The following VPS35L variants were observed in gnomAD, a reference collection of about 807,000 sequenced individuals.
VPS35L encodes the protein VPS35 endosomal protein-sorting factor-like.
In VPS35L, 83 loss-of-function variants were observed where a neutral mutation model predicts 133.0. The ratio of observed to expected loss-of-function variants is 0.62; its 90% CI spans 0.52 to 0.75. The LOEUF is 0.75. Among genes scored for constraint, VPS35L ranks in the 30% least tolerant of loss-of-function variants. The pLI, the probability that VPS35L is intolerant of heterozygous loss-of-function variation, is 0.00. For missense variants in VPS35L, 1,083 were observed against 1,206.8 expected, an observed-to-expected ratio of 0.90 and a Z score of 1.52; for synonymous variants, 423 against 449.9, an observed-to-expected ratio of 0.94 and a Z score of 0.76.
chr16:19,643,185 A>G (rs1973838023), intron 22 of VPS35L, among the ~76,000 whole-genome samples: 1 of 152,226 alleles, frequency 6.6e-6, no homozygotes, highest in African/African-American at 2.4e-5. Flanking sequence ...ATTCATGGGT[A>G]GTTACAAAAA....
chr16:19,675,884 G>A (rs1216733733), intron 27 of VPS35L, among the ~76,000 whole-genome samples: 1 of 151,994 alleles, frequency 6.6e-6, no homozygotes. Context: ...GCACTGTTTT[G>A]CTTTCCTACC....
intron 20 of VPS35L, among the ~76,000 whole-genome samples, chr16:19,638,304 A>G (rs1194864611): frequency 6.6e-6 from 1 of 152,136 alleles, no homozygotes; most frequent in African/African-American, 2.4e-5. Context: ...CACTCCAAGC[A>G]CTGTTCTGGG....
Position 19,573,100 on chromosome 16 carries a change from T to C in VPS35L, c.286-19T>C, listed in dbSNP as rs768918170. 1 of 1,610,818 alleles carries C rather than the reference T, an allele frequency of 6.2e-7. No individual in the cohort carries two copies. The highest frequency in any genetic ancestry group is 8.5e-7 in the Non-Finnish European group (1 of 1,178,138). On this transcript the variant is annotated intron_variant, in intron 3 of 30. Coordinates refer to ENST00000417362, the MANE Select transcript of VPS35L (RefSeq NM_020314.7). Reference sequence around the variant, plus strand: ...CAAAATGATATTGCTGCTGAAGAGATTATCTTGCCTTTCTTTAGGACAGCT... The same window carrying C: ...CAAAATGATATTGCTGCTGAAGAGACTATCTTGCCTTTCTTTAGGACAGCT...
chr16:19,601,822 A>G, intron 9 of VPS35L, 99 bp downstream of exon 9: 1 of 1,260,900 alleles, frequency 7.9e-7, no homozygotes, highest in Non-Finnish European at 1.1e-6. Flanking sequence ...TAAAGGTTTT[A>G]ATTTTGGGTG....
intron 8 of VPS35L, among the ~76,000 whole-genome samples, chr16:19,600,070 G>A (rs960022346): frequency 1.7e-4 from 26 of 152,090 alleles, no homozygotes; most frequent in African/African-American, 6.3e-4. Flanking sequence ...TAGATAGGAA[G>A]GTATTTAGGT....
chr16:19,597,248 A>G (rs1383104849), intron 8 of VPS35L, among the ~76,000 whole-genome samples: 1 of 151,994 alleles, frequency 6.6e-6, no homozygotes, highest in African/African-American at 2.4e-5. Flanking sequence ...GTACAAGCCT[A>G]TAGTCCCAGC....
At chr16:19,678,945 G>T (rs1230523004) in intron 27 of VPS35L, among the ~76,000 whole-genome samples, 1 of 152,150 alleles carries the variant, frequency 6.6e-6, no homozygotes, top group African/African-American at 2.4e-5. Flanking sequence ...ACTGGCCCTT[G>T]TACCACCTTT....
chr16:19,578,469 G>C, intron 5 of VPS35L: 1 of 368,530 alleles, frequency 2.7e-6, no homozygotes, highest in African/African-American at 2.1e-5. Flanking sequence ...TAGATGCATC[G>C]CCCTGCCTTG....
chr16:19,586,206 A>T (rs574832053), intron 7 of VPS35L, among the ~76,000 whole-genome samples: 1 of 151,628 alleles, frequency 6.6e-6, no homozygotes, highest in East Asian at 2.0e-4. Context: ...GGCCAGTTGT[A>T]ACAATTCTTT....
intron 4 of VPS35L, among the ~76,000 whole-genome samples, chr16:19,574,299 G>A (rs1451005492): frequency 1.3e-5 from 2 of 152,176 alleles, no homozygotes; most frequent in African/African-American, 2.4e-5. Flanking sequence ...GTAGACAGAG[G>A]GAGGAAAGGG....
intron 27 of VPS35L, among the ~76,000 whole-genome samples, chr16:19,677,310 C>T (rs1014019590): frequency 1.3e-5 from 2 of 152,074 alleles, no homozygotes; most frequent in African/African-American, 2.4e-5. Context: ...ATCTTGAACT[C>T]CTGACCTCGT....
chr16:19,603,566 G>A (rs567943931), intron 9 of VPS35L, among the ~76,000 whole-genome samples: 1 of 152,056 alleles, frequency 6.6e-6, no homozygotes, highest in East Asian at 1.9e-4. Flanking sequence ...GACCCTCCAC[G>A]CCACTGCGTC....
intron 19 of VPS35L, among the ~76,000 whole-genome samples, chr16:19,635,437 C>T (rs55898910): frequency 0.21 from 31,813 of 152,038 alleles, 4,005 homozygotes; most frequent in Non-Finnish European, 0.27. Context: ...CAAAGACAGA[C>T]GGAAGAACTT....
At chr16:19,580,981 A>G (rs1156506233) in intron 6 of VPS35L, among the ~76,000 whole-genome samples, 3 of 152,156 alleles carry the variant, frequency 2.0e-5, no homozygotes, top group Admixed American at 6.6e-5. Flanking sequence ...CCTCAGATCC[A>G]GTATATGTGT....
At chr16:19,665,236 G>A (rs1029153214) in intron 26 of VPS35L, among the ~76,000 whole-genome samples, 2 of 152,150 alleles carry the variant, frequency 1.3e-5, no homozygotes, top group African/African-American at 2.4e-5. Flanking sequence ...ATTGACTAGA[G>A]TCACTGTGTT....
At position 19,651,971 on chromosome 16, in the gene VPS35L, C is replaced by G; in HGVS notation, c.2107-5C>G. 1 of 1,584,034 alleles carries G rather than the reference C, an allele frequency of 6.3e-7. No individual in the cohort carries two copies. Among genetic ancestry groups the G allele is most frequent in the South Asian group, 1.1e-5 (1 of 89,974 alleles). On this transcript the variant is annotated splice_polypyrimidine_tract_variant and splice_region_variant and intron_variant, in intron 25 of 30. Transcript: ENST00000417362. ...CTAGCGTTAATGTTTCTTCCCTTCT[C>G]CTAGGCCTGTGTTGCCTACTGCTTC...
At chr16:19,653,444 G>T in intron 26 of VPS35L, among the ~76,000 whole-genome samples, 1 of 152,212 alleles carries the variant, frequency 6.6e-6, no homozygotes, top group East Asian at 1.9e-4. Flanking sequence ...GCTGTGGCTG[G>T]TGCCTTATTA....
intron 8 of VPS35L, 86 bp from the exon 9 acceptor site, chr16:19,601,578 G>T: frequency 2.2e-6 from 3 of 1,363,406 alleles, no homozygotes; most frequent in Non-Finnish European, 3.1e-6. Flanking sequence ...GGCGATGATA[G>T]CTCTGGGTCC....
At chr16:19,578,999 G>C (rs1971622314) in intron 5 of VPS35L, 53 bp from the exon 6 acceptor site, 1 of 1,437,636 alleles carries the variant, frequency 7.0e-7, no homozygotes, top group Admixed American at 1.7e-5. Flanking sequence ...CTCCACTGGG[G>C]GTATTGGTGC....
Sources: gnomAD v4.1 joint callset for allele counts (sites outside exome capture counted in the v4.1 genomes callset) on GRCh38, gnomAD v4.1.1 for gene constraint, MANE v1.5 for transcripts, NCBI Gene and HGNC (gene_info 2026-07-23, HGNC 2026-07-21) for gene names.